The following PSG3 variants were observed in gnomAD, a reference collection of about 807,000 sequenced individuals.
PSG3 encodes the protein pregnancy-specific beta-1-glycoprotein 3.
PSG3 carries 61 observed loss-of-function variants against 47.5 expected under a neutral mutation model. That is an observed-to-expected ratio of 1.28 (90% CI 1.05 to 1.59). The LOEUF (loss-of-function observed/expected upper bound fraction) is 1.59, where lower values mean the gene tolerates loss of function less well. Ranked by LOEUF, PSG3 falls within the 40% of genes most tolerant of loss-of-function variation. PSG3 has a pLI of 0.00. For synonymous variants in PSG3, 263 were observed against 198.4 expected (o/e 1.33, Z -2.74); for missense variants, 756 against 524.0 (o/e 1.44, Z -4.32).
At chr19:42,737,693 G>A (rs1969589508) in intron 2 of PSG3, among the ~76,000 whole-genome samples, 1 of 152,166 alleles carries the variant, frequency 6.6e-6, no homozygotes, top group Non-Finnish European at 1.5e-5. Context: ...AACCCAGTAA[G>A]CCCTCACTTC....
rs552975230 is a variant in PSG3 at position 42,722,095 on chromosome 19, G to A, written c.*41-5C>T. 2.2e-5 allele frequency: 9 copies of A among 413,044 alleles called. No individual in the cohort carries two copies. In the Admixed American group the frequency reaches 4.0e-4, roughly 18 times the overall value. The allele number at this position is 413,044 out of a possible 1,614,324, so 25.6% of individuals were successfully genotyped here. A position where few individuals can be genotyped will look rare whatever the true frequency, so the allele number is the denominator to read the frequency against. On this transcript the variant is annotated splice_polypyrimidine_tract_variant and splice_region_variant and intron_variant, in intron 6 of 6. Coordinates refer to ENST00000327495, the MANE Select transcript of PSG3 (RefSeq NM_021016.4). ...AGGAAGAATGAAAGCAACTGTCTGG[G>A]AATGACAAAGATTTAAAATGACTAT...
rs564694308 is a variant in PSG3 at position 42,733,162 on chromosome 19, C to T, written c.431-100G>A. The stretch of plus-strand genomic sequence containing the variant: ...TGGCATTTCCCACCTCTCAGCCCAC[C>T]CAAGTCCTTAAAAGCCCATGGCAGG... On this transcript the variant is annotated intron_variant, in intron 2 of 6. Coordinates refer to ENST00000327495, the MANE Select transcript of PSG3 (RefSeq NM_021016.4). 5.5e-5 allele frequency: 84 copies of T among 1,531,258 alleles called. No homozygotes were observed. In the African/African-American group the frequency reaches 1.1e-3, roughly 20 times the overall value. The allele number at this position is 1,531,258 out of a possible 1,614,324, so 94.9% of individuals were successfully genotyped here.
chr19:42,731,889 G>A (rs1969478058), intron 3 of PSG3: 1 of 151,100 alleles, frequency 6.6e-6, no homozygotes, highest in Non-Finnish European at 1.5e-5. Context: ...ATGTTAATGT[G>A]AACTGAAATT....
chr19:42,724,962 A>G (rs553727795), intron 5 of PSG3, among the ~76,000 whole-genome samples: 76 of 152,074 alleles, frequency 5.0e-4, no homozygotes, highest in Non-Finnish European at 7.2e-4. Flanking sequence ...CCTGTATCTC[A>G]TTTAATCCAC....
At chr19:42,729,688 C>T (rs1969438483) in intron 4 of PSG3, 90 bp downstream of exon 4, 2 of 1,572,370 alleles carry the variant, frequency 1.3e-6, no homozygotes, top group African/African-American at 1.4e-5. Context: ...GGTATCTATA[C>T]TTGGACCAGA....
At chr19:42,724,188 T>G (rs1969339675) in intron 5 of PSG3, among the ~76,000 whole-genome samples, 163 bp from the exon 6 acceptor site, 1 of 152,228 alleles carries the variant, frequency 6.6e-6, no homozygotes. Context: ...TCTTGCAGTT[T>G]TTTTTTCCCT....
rs1969541446 is a variant in PSG3, at chr19:42,735,107, C to T, written c.431-2045G>A. On this transcript the variant is annotated intron_variant, in intron 2 of 6. Transcript: ENST00000327495. ...CACCTGGCCACCTCCACCTGGTCCC[C>T]AAAACCACCAGTATTCCCATTACGT... 1.3e-5 allele frequency among the ~76,000 whole-genome samples: 2 copies of T among 152,190 alleles called. 1 individual carries two copies. Among genetic ancestry groups the T allele is most frequent in the Admixed American group, 1.3e-4 (2 of 15,286 alleles).
Position 42,738,718 on chromosome 19 carries a change from A to C in PSG3, c.430+6T>G. The C allele has an allele frequency of 6.2e-7, 1 of 1,613,468 alleles. No homozygotes were observed. The highest frequency in any genetic ancestry group is 8.5e-7 in the Non-Finnish European group (1 of 1,179,654). ...CAACACCCAGTGATCACGTGGAGTC[A>C]CTCACGGTATAAGGTGAAGGTGAAA... is the stretch of plus-strand genomic sequence containing the variant. On this transcript the variant is annotated splice_donor_region_variant and intron_variant, in intron 2 of 6. Transcript: ENST00000327495.
intron 2 of PSG3, chr19:42,733,356 C>T: frequency 2.2e-6 from 1 of 463,754 alleles, no homozygotes; most frequent in Non-Finnish European, 3.6e-6. Context: ...CTCTCTGAGT[C>T]CCTCCATCTC....
intron 5 of PSG3, among the ~76,000 whole-genome samples, chr19:42,725,646 G>A (rs745832746): frequency 1.3e-5 from 2 of 152,074 alleles, no homozygotes; most frequent in Admixed American, 6.5e-5. Flanking sequence ...GATTTCTTGA[G>A]ACCAGGTGTT....
intron 5 of PSG3, among the ~76,000 whole-genome samples, chr19:42,728,623 T>C (rs1969413390): frequency 6.6e-6 from 1 of 152,312 alleles, no homozygotes; most frequent in South Asian, 2.1e-4. Context: ...GCAGGGCCAG[T>C]CACCAGAGGA....
At chr19:42,728,864 C>G (rs952799230) in intron 5 of PSG3, among the ~76,000 whole-genome samples, 5 of 152,186 alleles carry the variant, frequency 3.3e-5, no homozygotes, top group African/African-American at 7.2e-5. Context: ...GAATCCTCTT[C>G]TACCACATAG....
chr19:42,733,973 G>A (rs1969519588), intron 2 of PSG3: 2 of 152,118 alleles, frequency 1.3e-5, no homozygotes, highest in Admixed American at 6.5e-5. Context: ...CCAATATTTG[G>A]GAAGAAGCCT....
chr19:42,729,090 A>T, intron 5 of PSG3, 33 bp downstream of exon 5: 1 of 1,613,458 alleles, frequency 6.2e-7, no homozygotes, highest in South Asian at 1.1e-5. Flanking sequence ...TCCACCTAAA[A>T]CTCTATTGCC....
chr19:42,737,951 T>A (rs1713536463), intron 2 of PSG3, among the ~76,000 whole-genome samples: 1 of 152,246 alleles, frequency 6.6e-6, no homozygotes, highest in African/African-American at 2.4e-5. Context: ...GCATTTATTA[T>A]TAATTTGCTT....
chr19:42,734,685 G>A (rs939108015), intron 2 of PSG3, among the ~76,000 whole-genome samples: 10 of 152,156 alleles, frequency 6.6e-5, no homozygotes, highest in African/African-American at 2.4e-4. Context: ...AGATGCCAAA[G>A]GTGATTTGAA....
chr19:42,734,175 A>G (rs1302767896), intron 2 of PSG3: 1 of 152,132 alleles, frequency 6.6e-6, no homozygotes, highest in Non-Finnish European at 1.5e-5. Flanking sequence ...GGTTCTAGAG[A>G]TCTCCTGTAC....
intron 2 of PSG3, among the ~76,000 whole-genome samples, chr19:42,736,303 C>T (rs1568754210): frequency 6.6e-6 from 1 of 152,174 alleles, no homozygotes; most frequent in African/African-American, 2.4e-5. Context: ...AGATGTTTCT[C>T]ATTCTTTTGC....
At chr19:42,734,520 A>G (rs562704667) in intron 2 of PSG3, among the ~76,000 whole-genome samples, 1 of 152,236 alleles carries the variant, frequency 6.6e-6, no homozygotes, top group African/African-American at 2.4e-5. Flanking sequence ...ACAGCAAAAA[A>G]TTTGGAGGAA....
Sources: gnomAD v4.1 joint callset for allele counts (sites outside exome capture counted in the v4.1 genomes callset) on GRCh38, gnomAD v4.1.1 for gene constraint, MANE v1.5 for transcripts, NCBI Gene and HGNC (gene_info 2026-07-23, HGNC 2026-07-21) for gene names.